The following HTT variants were observed in gnomAD, a reference collection of about 807,000 sequenced individuals.
HTT encodes huntingtin.
A neutral mutation model predicts 362.3 loss-of-function variants in HTT; 104 were observed. The ratio of observed to expected loss-of-function variants is 0.29; its 90% confidence interval spans 0.24 to 0.34. HTT has a LOEUF of 0.34. Among genes scored for constraint, HTT ranks in the 10% least tolerant of loss-of-function variants. The pLI is 1.00. For missense variants in HTT, 3,301 were observed against 3,928.6 expected, an observed-to-expected ratio of 0.84 and a Z score of 4.27; for synonymous variants, 1,577 against 1,548.7, an observed-to-expected ratio of 1.02 and a Z score of -0.43.
chr4:3,217,024 CAA>C (rs776607099), intron 51 of HTT, among the ~76,000 whole-genome samples: 7 of 124,046 alleles, frequency 5.6e-5, no homozygotes, highest in Non-Finnish European at 1.7e-5. Context: ...GACTCCGTCT[CAA>C]AAAAAAAAAA....
At chr4:3,138,268 T>C (rs2110195932) in intron 21 of HTT, among the ~76,000 whole-genome samples, 1 of 152,164 alleles carries the variant, frequency 6.6e-6, no homozygotes, top group East Asian at 1.9e-4. Flanking sequence ...GTTTTTGGGG[T>C]ACAAGTGGTT....
chr4:3,225,850 A>G (rs968384267), intron 57 of HTT, 107 bp downstream of exon 57: 39 of 748,828 alleles, frequency 5.2e-5, no homozygotes, highest in Non-Finnish European at 8.0e-5. Flanking sequence ...AATGAAAGGA[A>G]GTTTTCCTTT....
chr4:3,199,067 C>T (rs536650395), intron 40 of HTT, among the ~76,000 whole-genome samples: 3 of 152,296 alleles, frequency 2.0e-5, no homozygotes, highest in East Asian at 3.9e-4. Context: ...GTGGGGGCCC[C>T]GCTGTGGCCC....
At chr4:3,238,730 G>GGCCCCACCCCCCC in intron 65 of HTT, 88 bp from the exon 66 acceptor site, 1 of 1,097,040 alleles carries the variant, frequency 9.1e-7, no homozygotes, top group Non-Finnish European at 1.3e-6. Context: ...AATGCCTCTG[G>GGCCCCACCCCCCC]CCCCCACCCC....
At chr4:3,114,148 T>C (rs150201642) in intron 6 of HTT, among the ~76,000 whole-genome samples, 3,953 of 152,290 alleles carry the variant, frequency 0.026, 126 homozygotes, top group Non-Finnish European at 0.031. Context: ...AAAGAAGAGG[T>C]TGGGCTAGTT....
At chr4:3,155,836 T>C in intron 27 of HTT, among the ~76,000 whole-genome samples, 1 of 149,300 alleles carries the variant, frequency 6.7e-6, no homozygotes. Context: ...AGGTGGAGGT[T>C]GCAGTGAGCT....
intron 35 of HTT, among the ~76,000 whole-genome samples, chr4:3,179,626 G>A (rs1718404927): frequency 6.6e-6 from 1 of 151,564 alleles, no homozygotes; most frequent in Non-Finnish European, 1.5e-5. Context: ...TCACTGAGGG[G>A]TCAGAGTGTG....
At chr4:3,171,618 C>T (rs1336346294) in intron 29 of HTT, among the ~76,000 whole-genome samples, 2 of 152,062 alleles carry the variant, frequency 1.3e-5, no homozygotes, top group African/African-American at 2.4e-5. Flanking sequence ...GCTGGGATTA[C>T]AGGTGTGCGC....
At position 3,242,512 on chromosome 4, in the gene HTT, C is replaced by T. The variant is rs756605680; in HGVS notation, c.*2453C>T. On this transcript the variant is annotated 3_prime_UTR_variant, in exon 67 of 67. Transcript: ENST00000355072. Reference sequence around the variant, plus strand: ...CCTGGAAGTTGACTTTCCTTAGACCCGCCAGGTCAAGTTAGCCGCGTGACG... The same window carrying T: ...CCTGGAAGTTGACTTTCCTTAGACCTGCCAGGTCAAGTTAGCCGCGTGACG... The T allele has an allele frequency of 9.2e-5, 14 of 152,134 alleles. No homozygotes were observed. The highest frequency in any genetic ancestry group is 2.9e-4 in the African/African-American group (12 of 41,416). 9.4% of individuals were successfully genotyped at this position (152,134 alleles called of 1,614,324 possible).
chr4:3,105,416 G>A lies in HTT; in HGVS notation c.588G>A (p.Leu196=). 2 of 1,613,636 alleles carry A rather than the reference G, an allele frequency of 1.2e-6. No individual in the cohort carries two copies. The highest frequency in any genetic ancestry group is 1.7e-6 in the Non-Finnish European group (2 of 1,179,564). ...GGAGGTTTGCTGAGCTGGCTCACCT[G>A]GTTCGGCCTCAGAAATGCAGGTAAG... The part of the protein sequence containing the change: ...ALWRFAELAH[L]VRPQKCRPYL... Residue 196 remains leucine, a synonymous_variant, in exon 5 of 67, where the codon CTG becomes CTA. Coordinates refer to ENST00000355072, the MANE Select transcript of HTT (RefSeq NM_001388492.1).
At chr4:3,090,746 C>G (rs899021525) in intron 2 of HTT, among the ~76,000 whole-genome samples, 2 of 152,186 alleles carry the variant, frequency 1.3e-5, no homozygotes, top group African/African-American at 4.8e-5. Context: ...TAATCTTGAT[C>G]AAAATTCTAG....
chr4:3,159,225 A>C (rs1464962344), intron 28 of HTT, among the ~76,000 whole-genome samples: 2 of 152,062 alleles, frequency 1.3e-5, no homozygotes, highest in Non-Finnish European at 2.9e-5. Flanking sequence ...GTCTCCACAG[A>C]ACTTTTGCAG....
chr4:3,177,122 C>T (rs1457324043), intron 33 of HTT, among the ~76,000 whole-genome samples: 1 of 152,176 alleles, frequency 6.6e-6, no homozygotes, highest in Non-Finnish European at 1.5e-5. Flanking sequence ...TGAGATTTCA[C>T]CTCAGGGTAT....
Position 3,225,857 on chromosome 4 carries a change from CT to C in HTT, c.7848+122del, listed in dbSNP as rs74815853. 160 of 678,828 alleles carry C rather than the reference CT, an allele frequency of 2.4e-4. 1 individual carries two copies. Among genetic ancestry groups the C allele is most frequent in the Non-Finnish European group, 2.8e-4 (112 of 406,596 alleles). The allele number at this position is 678,828 out of a possible 1,614,324, so 42.1% of individuals were successfully genotyped here. A position where few individuals can be genotyped will look rare whatever the true frequency, so the allele number is the denominator to read the frequency against. The stretch of plus-strand genomic sequence containing the variant: ...ACTTTTTAAATGAAAGGAAGTTTTC[CT>C]TTTTTTTAAAAAAAAATTTAATGTT... On this transcript the variant is annotated intron_variant, in intron 57 of 66. Transcript: ENST00000355072.
intron 6 of HTT, among the ~76,000 whole-genome samples, chr4:3,110,287 T>C (rs1714677766): frequency 6.6e-6 from 1 of 152,242 alleles, no homozygotes; most frequent in African/African-American, 2.4e-5. Flanking sequence ...CTTTTTGTCT[T>C]CTCACACCTT....
At chr4:3,180,402 G>A in intron 35 of HTT, 113 bp from the exon 36 acceptor site, 1 of 890,586 alleles carries the variant, frequency 1.1e-6, no homozygotes, top group Non-Finnish European at 1.7e-6. Context: ...CATAAACCAA[G>A]TATGTGTAAG....
Position 3,127,409 on chromosome 4 carries a change from C to A in HTT, c.1548C>A (p.Asp516Glu). 3 of 1,614,186 alleles carry A rather than the reference C, an allele frequency of 1.9e-6. No individual in the cohort carries two copies. Among genetic ancestry groups the A allele is most frequent in the Non-Finnish European group, 2.5e-6 (3 of 1,180,036 alleles). Residue 516 changes from aspartate (D) to glutamate (E), a missense_variant, in exon 12 of 67, where the codon GAC becomes GAA. Asp to Glu is a conservative substitution (Grantham distance 45). Coordinates refer to ENST00000355072, the MANE Select transcript of HTT (RefSeq NM_001388492.1). ...ACTCAGTGGATCTGGCCAGCTGTGA[C>A]TTGACAAGCTCTGCCACTGATGGGG... ...QADSVDLASC[D>E]LTSSATDGDE...
At chr4:3,155,448 A>G (rs1158715791) in intron 27 of HTT, among the ~76,000 whole-genome samples, 2 of 150,672 alleles carry the variant, frequency 1.3e-5, no homozygotes, top group Non-Finnish European at 3.0e-5. Context: ...GATGGTCTTG[A>G]TCTCCTGACC....
At chr4:3,237,504 C>A (rs1721595369) in intron 64 of HTT, among the ~76,000 whole-genome samples, 2 of 152,090 alleles carry the variant, frequency 1.3e-5, no homozygotes, top group South Asian at 2.1e-4. Context: ...GGCTTGTGGT[C>A]TAGTGGGCCC....
Sources: gnomAD v4.1 joint callset for allele counts (sites outside exome capture counted in the v4.1 genomes callset) on GRCh38, gnomAD v4.1.1 for gene constraint, MANE v1.5 for transcripts, NCBI Gene and HGNC (gene_info 2026-07-23, HGNC 2026-07-21) for gene names.